Variants in TGFB3 observed in about 807,000 individuals in gnomAD.
TGFB3 encodes transforming growth factor beta 3.
In TGFB3, 5 loss-of-function variants were observed where a neutral mutation model predicts 40.1. The ratio of observed to expected loss-of-function variants is 0.12; its 90% CI spans 0.07 to 0.26. TGFB3 has a LOEUF of 0.26. TGFB3 is among the 10% of genes least tolerant of loss of function. TGFB3 has a pLI of 1.00. For missense variants in TGFB3, 373 were observed against 530.1 expected (o/e 0.70, Z 2.91); for synonymous variants, 184 against 205.6 (o/e 0.89, Z 0.90).
rs1478255370 is a variant in TGFB3 at position 75,971,016 on chromosome 14, T to C, written c.646+110A>G. 5 of 1,519,334 alleles carry C rather than the reference T, an allele frequency of 3.3e-6. No homozygotes were observed. In the East Asian group the frequency reaches 1.1e-4, roughly 35 times the overall value. 94.1% of individuals were successfully genotyped at this position (1,519,334 alleles called of 1,614,324 possible). On this transcript the variant is annotated intron_variant, in intron 3 of 6. Coordinates refer to ENST00000238682, the MANE Select transcript of TGFB3 (RefSeq NM_003239.5). The surrounding 1 kb of genome is among the most constrained non-coding windows in gnomAD (Gnocchi z 4.5). The stretch of plus-strand genomic sequence containing the variant: ...AGGATACTCAGTGGCAAAGCTAGGG[T>C]TTGAACCCAGATCTCTGACTCCCTT...
intron 3 of TGFB3, among the ~76,000 whole-genome samples, chr14:75,969,776 C>G (rs2035266083): frequency 6.6e-6 from 1 of 152,194 alleles, no homozygotes; most frequent in Admixed American, 6.5e-5. Flanking sequence ...ATAAGTGATA[C>G]CACCTGGATG....
Position 75,981,794 on chromosome 14 carries a change from A to G in TGFB3, c.-901T>C, listed in dbSNP as rs1044914327. On this transcript the variant is annotated 5_prime_UTR_variant, in exon 1 of 7. Coordinates refer to ENST00000238682, the MANE Select transcript of TGFB3 (RefSeq NM_003239.5). The surrounding 1 kb of genome is among the most constrained non-coding windows in gnomAD (Gnocchi z 4.7). ...ATAAAAAGGAGAAAAAAATAAAATA[A>G]AATAGAAGCCAGTTCACGGCACGCC... 2.0e-5 allele frequency: 3 copies of G among 152,214 alleles called. No individual in the cohort carries two copies. The highest frequency in any genetic ancestry group is 7.2e-5 in the African/African-American group (3 of 41,408). The allele number at this position is 152,214 out of a possible 1,614,324, so 9.4% of individuals were successfully genotyped here. A position where few individuals can be genotyped will look rare whatever the true frequency, so the allele number is the denominator to read the frequency against.
intron 1 of TGFB3, among the ~76,000 whole-genome samples, chr14:75,974,182 GAC>G: frequency 6.6e-6 from 1 of 152,146 alleles, no homozygotes; most frequent in East Asian, 1.9e-4. Flanking sequence ...TTGCTGGTGA[GAC>G]AGTCAGAGTG....
rs776388495 is a variant in TGFB3, at chr14:75,971,628, C to T, written c.443G>A (p.Arg148Gln). ...CACCCGCAAGACCCGGAATTCTGCT[C>T]GGAATAGGTTGGTTCTATTTTTCTC... ...SVEKNRTNLF[R>Q]AEFRVLRVPN... Residue 148 changes from arginine (R) to glutamine (Q), a missense_variant, in exon 2 of 7, where the codon CGA becomes CAA. By Grantham distance (43) the Arg-to-Gln change is conservative. Transcript: ENST00000238682. This position sits in a 1 kb window ranked among gnomAD's most constrained non-coding sequence, Gnocchi z 4.5. 1.6e-5 allele frequency: 26 copies of T among 1,614,076 alleles called. No individual in the cohort carries two copies. Among genetic ancestry groups the T allele is most frequent in the East Asian group, 2.2e-5 (1 of 44,900 alleles).
chr14:75,968,742 C>A (rs946644946), intron 3 of TGFB3, among the ~76,000 whole-genome samples: 1 of 152,202 alleles, frequency 6.6e-6, no homozygotes, highest in Admixed American at 6.5e-5. Flanking sequence ...ACCCTTGGGA[C>A]TGGGGCAGGA....
rs145051522 is a variant in TGFB3 at position 75,971,717 on chromosome 14, G to A, written c.354C>T (p.Asn118=). ...TTCCTTTAGGGCAGACAGCCAGTTC[G>A]TCTAGGAGATAAAGCAGAGCAGAGG... ...FDMIQGLAEH[N]ELAVCPKGIT... Residue 118 remains asparagine, a splice_region_variant and synonymous_variant, in exon 2 of 7, where the codon AAC becomes AAT. Transcript: ENST00000238682. The surrounding 1 kb of genome is among the most constrained non-coding windows in gnomAD (Gnocchi z 4.5). 5.5e-5 allele frequency: 88 copies of A among 1,614,160 alleles called. No homozygotes were observed. The African/African-American group carries it at 5.9e-4, about 11-fold the overall frequency.
rs151325226 is a variant in TGFB3, at chr14:75,981,923, T to TCTCTCC, written c.-1036_-1031dup. ...GACTCTCTGCTTCCCTCCCTTTCTC[T>TCTCTCC]CTCTCCCTCTCCCTCTCCCTCTCGC... On this transcript the variant is annotated 5_prime_UTR_variant, in exon 1 of 7. Transcript: ENST00000238682. The surrounding 1 kb of genome is among the most constrained non-coding windows in gnomAD (Gnocchi z 4.7). 2.0e-5 allele frequency among the ~76,000 whole-genome samples: 3 copies of TCTCTCC among 151,412 alleles called. No homozygotes were observed. The highest frequency in any genetic ancestry group is 7.3e-5 in the African/African-American group (3 of 41,178).
rs201404268 is a variant in TGFB3 at position 75,981,918 on chromosome 14, TTC to T, written c.-1027_-1026del. 8.6e-5 allele frequency among the ~76,000 whole-genome samples: 13 copies of T among 150,944 alleles called. 1 individual carries two copies. In the South Asian group the frequency reaches 2.5e-3, roughly 30 times the overall value. Reference sequence around the variant, plus strand: ...GACTTGACTCTCTGCTTCCCTCCCTTTCTCTCTCTCCCTCTCCCTCTCCCTCT... The same window carrying T: ...GACTTGACTCTCTGCTTCCCTCCCTTTCTCTCTCCCTCTCCCTCTCCCTCT... On this transcript the variant is annotated 5_prime_UTR_variant, in exon 1 of 7. The change abolishes the stop of an existing upstream ORF in the 5' untranslated region. Transcript: ENST00000238682. This position sits in a 1 kb window ranked among gnomAD's most constrained non-coding sequence, Gnocchi z 4.7.
chr14:75,969,939 C>G (rs1291902315), intron 3 of TGFB3, among the ~76,000 whole-genome samples: 1 of 152,234 alleles, frequency 6.6e-6, no homozygotes, highest in Non-Finnish European at 1.5e-5. Context: ...AGATATTGCT[C>G]TCATCTGGGC....
chr14:75,963,130 C>T (rs1307467306), intron 5 of TGFB3, 186 bp downstream of exon 5: 2 of 726,996 alleles, frequency 2.8e-6, no homozygotes, highest in East Asian at 5.4e-5. Flanking sequence ...CAGTGGGACT[C>T]CCAGGAAAAC....
At chr14:75,975,261 G>A (rs11466420) in intron 1 of TGFB3, among the ~76,000 whole-genome samples, 84 of 152,100 alleles carry the variant, frequency 5.5e-4, no homozygotes, top group African/African-American at 2.0e-3. Flanking sequence ...CCAGCTACTC[G>A]GGAGGCTGAG....
intron 4 of TGFB3, 142 bp from the exon 5 acceptor site, chr14:75,963,629 A>G (rs2035186940): frequency 3.2e-6 from 3 of 931,264 alleles, no homozygotes; most frequent in Non-Finnish European, 5.1e-6. Context: ...AGTGCAGCTT[A>G]ATTCTGATGT....
At position 75,959,030 on chromosome 14, in the gene TGFB3, T is replaced by C. The variant is rs1029190667; in HGVS notation, c.*157A>G. 1.6e-5 allele frequency: 14 copies of C among 870,234 alleles called. No homozygotes were observed. Among genetic ancestry groups the C allele is most frequent in the Non-Finnish European group, 2.6e-5 (14 of 532,302 alleles). The allele number at this position is 870,234 out of a possible 1,614,324, so 53.9% of individuals were successfully genotyped here. A position where few individuals can be genotyped will look rare whatever the true frequency, so the allele number is the denominator to read the frequency against. ...ATTCTCAGAGCCAGCAAGAAAGAAA[T>C]GTTCCAAAAGGAAACCTCCATCTCA... On this transcript the variant is annotated 3_prime_UTR_variant, in exon 7 of 7. Transcript: ENST00000238682.
chr14:75,960,963 G>T lies in TGFB3; in HGVS notation c.1040C>A (p.Pro347His). The change falls in exon 6 of 7, where the codon CCT (proline) becomes CAT (histidine). Residue 347 changes from proline to histidine, a missense_variant. Physicochemically the swap from Pro to His is moderately conservative, Grantham distance 77. Transcript: ENST00000238682. ...GTCTGCACTGCGGAGGTATGGGCAA[G>T]GGCCTGAGCAGAAGTTGGCATAGTA... Reference protein sequence around the residue: ...KGYYANFCSGPCPYLRSADTT... With the variant: ...KGYYANFCSGHCPYLRSADTT... 6.2e-7 allele frequency: 1 copy of T among 1,614,242 alleles called. No homozygotes were observed. The highest frequency in any genetic ancestry group is 8.5e-7 in the Non-Finnish European group (1 of 1,180,042).
chr14:75,961,944 G>A (rs1017115786), intron 5 of TGFB3, among the ~76,000 whole-genome samples: 6 of 152,196 alleles, frequency 3.9e-5, no homozygotes, highest in African/African-American at 1.2e-4. Context: ...GGGGGTAAGG[G>A]CAAGTTCTGG....
Position 75,971,468 on chromosome 14 carries a change from G to A in TGFB3, c.516+87C>T. 1 of 1,581,132 alleles carries A rather than the reference G, an allele frequency of 6.3e-7. No individual in the cohort carries two copies. ...GAAGCCAGGATTCAAACCCAGGTCTGCCAAACGCTGCACCCAGTGGTGCCC... is the reference window on the plus strand; with the variant it reads ...GAAGCCAGGATTCAAACCCAGGTCTACCAAACGCTGCACCCAGTGGTGCCC... On this transcript the variant is annotated intron_variant, in intron 2 of 6. Transcript: ENST00000238682. The surrounding 1 kb of genome is among the most constrained non-coding windows in gnomAD (Gnocchi z 4.5).
Position 75,981,088 on chromosome 14 carries a change from C to T in TGFB3, c.-195G>A, listed in dbSNP as rs960110806. On this transcript the variant is annotated 5_prime_UTR_variant, in exon 1 of 7. Coordinates refer to ENST00000238682, the MANE Select transcript of TGFB3 (RefSeq NM_003239.5). This position sits in a 1 kb window ranked among gnomAD's most constrained non-coding sequence, Gnocchi z 4.7. ...CAGGAAGCGCTGGCAACCCTGAGGA[C>T]GAAGAAGCGGACTGTGTGCCTTGTA... 2.7e-5 allele frequency: 17 copies of T among 630,106 alleles called. No individual in the cohort carries two copies. The highest frequency in any genetic ancestry group is 4.2e-4 in the Middle Eastern group (1 of 2,376). 39.0% of individuals were successfully genotyped at this position (630,106 alleles called of 1,614,324 possible).
chr14:75,964,246 C>T (rs2035194904), intron 4 of TGFB3, among the ~76,000 whole-genome samples: 1 of 151,958 alleles, frequency 6.6e-6, no homozygotes, highest in Admixed American at 6.6e-5. Flanking sequence ...GTGAATGGAC[C>T]AAGATAACGC....
In TGFB3 at chr14:75,959,120, T is replaced by C. The variant is rs928424483; in HGVS notation, c.*67A>G. The C allele has an allele frequency of 9.3e-6, 15 of 1,607,520 alleles. No individual in the cohort carries two copies. In the African/African-American group the frequency reaches 2.0e-4, roughly 22 times the overall value. On this transcript the variant is annotated 3_prime_UTR_variant, in exon 7 of 7. Coordinates refer to ENST00000238682, the MANE Select transcript of TGFB3 (RefSeq NM_003239.5). ...CTCAGTGAGGTTTGTTGCTTGTGTGTTTCCCGAGGAGCGGGCAGTCAGGCA... is the reference window on the plus strand; with the variant it reads ...CTCAGTGAGGTTTGTTGCTTGTGTGCTTCCCGAGGAGCGGGCAGTCAGGCA...
Sources: allele counts gnomAD v4.1 joint callset (sites outside exome capture counted in the v4.1 genomes callset), GRCh38; gene constraint gnomAD v4.1.1; non-coding constraint Gnocchi (gnomAD v3.1); transcripts MANE v1.5; gene names NCBI Gene and HGNC (gene_info 2026-07-23, HGNC 2026-07-21).